Variants in ELAVL4 observed in about 807,000 individuals in gnomAD.
ELAVL4 encodes the protein ELAV-like protein 4.
A neutral mutation model predicts 35.6 loss-of-function variants in ELAVL4; 1 was observed. The observed-to-expected ratio is 0.03, with a 90% CI of 0.01 to 0.13. The LOEUF (loss-of-function observed/expected upper bound fraction) is 0.13, where lower values mean the gene tolerates loss of function less well. Ranked by LOEUF, ELAVL4 falls within the 10% of genes least tolerant of loss-of-function variation. The pLI is 1.00. For synonymous variants in ELAVL4, 156 were observed against 171.0 expected, an observed-to-expected ratio of 0.91 and a Z score of 0.69; for missense variants, 267 against 464.9, an observed-to-expected ratio of 0.57 and a Z score of 3.91.
chr1:50,174,863 A>G (rs1444234367), intron 2 of ELAVL4: 1 of 152,222 alleles, frequency 6.6e-6, no homozygotes, highest in African/African-American at 2.4e-5. Context: ...ACCACTCGTA[A>G]GCATGATTCC....
At chr1:50,055,326 G>A (rs1203520331) in intron 1 of ELAVL4, among the ~76,000 whole-genome samples, 1 of 151,758 alleles carries the variant, frequency 6.6e-6, no homozygotes, top group Non-Finnish European at 1.5e-5. Flanking sequence ...TTGAGACAGA[G>A]TCTCGCTCTT....
chr1:50,051,295 A>C (rs894026961), intron 1 of ELAVL4, among the ~76,000 whole-genome samples: 2 of 152,136 alleles, frequency 1.3e-5, no homozygotes, highest in Non-Finnish European at 2.9e-5. Context: ...TAGTTCTAAC[A>C]TGTTTAGTTC....
intron 1 of ELAVL4, among the ~76,000 whole-genome samples, chr1:50,114,315 G>A (rs1003628114): frequency 3.3e-5 from 5 of 152,090 alleles, no homozygotes; most frequent in South Asian, 2.1e-4. Flanking sequence ...ATAAGGAGGC[G>A]GTAAGATGGA....
chr1:50,104,055 G>A, upstream of ELAVL4: 1 of 1,595,700 alleles, frequency 6.3e-7, no homozygotes. Context: ...GTCAATGGGT[G>A]GTATTGATTG....
At chr1:50,113,689 T>C (rs1667468306) in intron 1 of ELAVL4, among the ~76,000 whole-genome samples, 2 of 152,116 alleles carry the variant, frequency 1.3e-5, no homozygotes, top group Non-Finnish European at 2.9e-5. Flanking sequence ...CTTACTATTG[T>C]CCAGTCGATG....
intron 1 of ELAVL4, among the ~76,000 whole-genome samples, chr1:50,090,202 A>AT (rs1425059896): frequency 6.6e-6 from 1 of 152,126 alleles, no homozygotes; most frequent in Non-Finnish European, 1.5e-5. Context: ...AAAGTTAGTG[A>AT]TTTTATCTAT....
upstream of ELAVL4, chr1:50,106,171 C>T: frequency 1.8e-6 from 1 of 564,226 alleles, no homozygotes; most frequent in Non-Finnish European, 2.9e-6. Context: ...CCCATTGTGC[C>T]ACGTAAGGCT....
intron 3 of ELAVL4, among the ~76,000 whole-genome samples, chr1:50,193,100 T>C (rs1191879094): frequency 6.6e-6 from 1 of 152,150 alleles, no homozygotes; most frequent in Non-Finnish European, 1.5e-5. Context: ...TCTGCCCTGC[T>C]TCAAAGTTAG....
chr1:50,190,221 G>T (rs1270234195), intron 3 of ELAVL4, among the ~76,000 whole-genome samples: 2 of 152,302 alleles, frequency 1.3e-5, no homozygotes, highest in African/African-American at 2.4e-5. Flanking sequence ...CCAGGGCGCT[G>T]GCTCCAGTGT....
intron 2 of ELAVL4, among the ~76,000 whole-genome samples, chr1:50,165,328 T>C (rs1677556401): frequency 6.6e-6 from 1 of 151,904 alleles, no homozygotes; most frequent in Non-Finnish European, 1.5e-5. Context: ...ACCCCAGCCC[T>C]TTCCCTCAGA....
chr1:50,083,277 GCTTGT>G (rs1463200607), intron 1 of ELAVL4, among the ~76,000 whole-genome samples: 1 of 151,650 alleles, frequency 6.6e-6, no homozygotes, highest in Non-Finnish European at 1.5e-5. Flanking sequence ...TGTTGTCCTG[GCTTGT>G]CTCAAACCCC....
rs79540870 is a variant in ELAVL4, at chr1:50,073,643, C to T, written c.18+25461C>T. 8.0e-3 allele frequency among the ~76,000 whole-genome samples: 1,222 copies of T among 152,130 alleles called. 7 individuals are homozygous for T. The highest frequency in any genetic ancestry group is 0.031 in the Middle Eastern group (9 of 294). ...CCTTACCTTTTAGTGGATACACACA[C>T]ACATGCACAAACACACACGTACACA... On this transcript the variant is annotated intron_variant, in intron 1 of 6. Transcript: ENST00000448907.
chr1:50,165,254 G>A (rs1205624582), intron 2 of ELAVL4, among the ~76,000 whole-genome samples: 1 of 152,034 alleles, frequency 6.6e-6, no homozygotes, highest in Non-Finnish European at 1.5e-5. Context: ...CTTTGCACAT[G>A]AGATTCCTTC....
At chr1:50,064,445 A>G (rs537691841) in intron 1 of ELAVL4, among the ~76,000 whole-genome samples, 1 of 152,114 alleles carries the variant, frequency 6.6e-6, no homozygotes. Context: ...TTCATTTTCT[A>G]GATCTATTGA....
In ELAVL4 at chr1:50,109,163, T is replaced by C. The variant is rs975725556; in HGVS notation, c.-27T>C. 1 of 1,610,486 alleles carries C rather than the reference T, an allele frequency of 6.2e-7. No homozygotes were observed. The highest frequency in any genetic ancestry group is 8.5e-7 in the Non-Finnish European group (1 of 1,178,676). On this transcript the variant is annotated 5_prime_UTR_variant, in exon 1 of 7. Transcript: ENST00000371824. ...AATTTTAACAGAAGAGTCGAAGCTCTGCGAGACCCAATATTTGCCAATAAG... is the reference window on the plus strand; with the variant it reads ...AATTTTAACAGAAGAGTCGAAGCTCCGCGAGACCCAATATTTGCCAATAAG...
intron 1 of ELAVL4, among the ~76,000 whole-genome samples, chr1:50,066,323 C>G (rs1327559861): frequency 6.6e-6 from 1 of 152,104 alleles, no homozygotes; most frequent in East Asian, 1.9e-4. Context: ...CTTTTGAAAC[C>G]TTTTTCTTGT....
intron 1 of ELAVL4, among the ~76,000 whole-genome samples, chr1:50,048,488 G>A (rs1301108099): frequency 2.0e-5 from 3 of 152,142 alleles, no homozygotes; most frequent in African/African-American, 7.2e-5. Flanking sequence ...GGGTTGACGC[G>A]CGCCCCCTCC....
At chr1:50,110,877 A>C (rs1046015741) in intron 1 of ELAVL4, among the ~76,000 whole-genome samples, 2 of 152,064 alleles carry the variant, frequency 1.3e-5, no homozygotes, top group African/African-American at 2.4e-5. Context: ...CTGGGAGGAA[A>C]ACCCAATGAA....
chr1:50,076,533 G>A (rs1327624216), intron 1 of ELAVL4, among the ~76,000 whole-genome samples: 1 of 152,158 alleles, frequency 6.6e-6, no homozygotes, highest in Non-Finnish European at 1.5e-5. Flanking sequence ...TCAGTTTCAG[G>A]CATCCACTGA....
Sources: gnomAD v4.1 joint callset for allele counts (sites outside exome capture counted in the v4.1 genomes callset) on GRCh38, gnomAD v4.1.1 for gene constraint, MANE v1.5 for transcripts, NCBI Gene and HGNC (gene_info 2026-07-23, HGNC 2026-07-21) for gene names.